Variants in DTNB observed in about 807,000 individuals in gnomAD.
DTNB encodes the protein dystrobrevin beta.
Under a neutral mutation model 90.7 loss-of-function variants are expected in DTNB, and 63 were observed. The observed-to-expected ratio is 0.69, with a 90% CI of 0.57 to 0.86. The LOEUF (loss-of-function observed/expected upper bound fraction) is 0.86, where lower values mean the gene tolerates loss of function less well. Ranked by LOEUF, DTNB falls within the 40% of genes least tolerant of loss-of-function variation. DTNB has a pLI of 0.00. For synonymous variants in DTNB, 277 were observed against 286.7 expected (o/e 0.97, Z 0.34); for missense variants, 744 against 807.1 (o/e 0.92, Z 0.95).
intron 5 of DTNB, among the ~76,000 whole-genome samples, chr2:25,606,693 T>C (rs1027986528): frequency 1.3e-5 from 2 of 152,100 alleles, no homozygotes; most frequent in Admixed American, 6.6e-5. Context: ...TAGTATCTAA[T>C]GAATGGTAAA....
intron 1 of DTNB, among the ~76,000 whole-genome samples, chr2:25,664,534 C>T (rs1286847908): frequency 6.6e-6 from 1 of 152,058 alleles, no homozygotes; most frequent in African/African-American, 2.4e-5. Context: ...CCTAGCTTAC[C>T]GTACGTGACA....
intron 4 of DTNB, among the ~76,000 whole-genome samples, chr2:25,626,589 C>T (rs181581850): frequency 5.9e-5 from 9 of 152,132 alleles, no homozygotes; most frequent in African/African-American, 2.2e-4. Flanking sequence ...CAGCAAGACC[C>T]CATCTCAAAA....
chr2:25,640,842 T>C (rs2078133772), intron 2 of DTNB, among the ~76,000 whole-genome samples: 1 of 151,612 alleles, frequency 6.6e-6, no homozygotes, highest in African/African-American at 2.4e-5. Context: ...CCGTCTCTAC[T>C]AAAAATACAA....
chr2:25,613,791 C>T (rs1279890438), intron 4 of DTNB, among the ~76,000 whole-genome samples: 1 of 152,140 alleles, frequency 6.6e-6, no homozygotes, highest in Admixed American at 6.5e-5. Flanking sequence ...AACCTTGTCT[C>T]TACTAAAAAT....
At chr2:25,471,654 G>C (rs1307093307) in intron 10 of DTNB, among the ~76,000 whole-genome samples, 2 of 151,998 alleles carry the variant, frequency 1.3e-5, no homozygotes, top group Admixed American at 1.3e-4. Flanking sequence ...CACCTGCCTC[G>C]ACCTCCCAAA....
At chr2:25,474,961 G>A (rs1027357877) in intron 10 of DTNB, among the ~76,000 whole-genome samples, 2 of 152,138 alleles carry the variant, frequency 1.3e-5, no homozygotes, top group African/African-American at 2.4e-5. Context: ...ATCAATATGT[G>A]TTCTGACCGT....
At position 25,594,142 on chromosome 2, in the gene DTNB, C is replaced by T. The variant is rs781420230; in HGVS notation, c.603+1944G>A. 9.2e-5 allele frequency among the ~76,000 whole-genome samples: 14 copies of T among 152,266 alleles called. No individual in the cohort carries two copies. The South Asian group carries it at 1.2e-3, about 14-fold the overall frequency. On this transcript the variant is annotated intron_variant, in intron 6 of 20. Transcript: ENST00000406818. ...TCTTCACTTACGTCCCTGAAGGGCA[C>T]GTTAACACCTGAAGGACACTCTTGT...
At chr2:25,662,566 C>G (rs2083397660) in intron 1 of DTNB, among the ~76,000 whole-genome samples, 1 of 151,928 alleles carries the variant, frequency 6.6e-6, no homozygotes, top group Admixed American at 6.6e-5. Flanking sequence ...AAGCCCATGG[C>G]TGAGGGGCTC....
chr2:25,634,944 A>C (rs992151595), intron 3 of DTNB, among the ~76,000 whole-genome samples: 9 of 127,974 alleles, frequency 7.0e-5, no homozygotes, highest in South Asian at 2.6e-4. Context: ...TCCTCTGCCT[A>C]GGAAAACCAG....
intron 8 of DTNB, among the ~76,000 whole-genome samples, chr2:25,533,821 T>C (rs2078753114): frequency 6.6e-6 from 1 of 152,230 alleles, no homozygotes; most frequent in Admixed American, 6.5e-5. Flanking sequence ...CTGTGAAGAC[T>C]TTCCTCACTG....
At position 25,662,677 on chromosome 2, in the gene DTNB, C is replaced by A. The variant is rs867811529; in HGVS notation, c.-1-10016G>T. On this transcript the variant is annotated intron_variant, in intron 1 of 20. Transcript: ENST00000406818. ...ACACACACACACACACACACACACA[C>A]ACAAACACACACACACACACACACA... 6.5e-3 allele frequency among the ~76,000 whole-genome samples: 350 copies of A among 54,124 alleles called. 5 individuals carry two copies. In the East Asian group the frequency reaches 0.099, roughly 15 times the overall value. 35.5% of individuals were successfully genotyped at this position (54,124 alleles called of 152,430 possible).
chr2:25,476,575 A>T (rs1054649753), intron 10 of DTNB, among the ~76,000 whole-genome samples: 18 of 152,218 alleles, frequency 1.2e-4, no homozygotes, highest in African/African-American at 4.3e-4. Context: ...GAAGAAATTG[A>T]TTCCAACCCT....
At position 25,479,621 on chromosome 2, in the gene DTNB, A is replaced by G. The variant is rs761171306; in HGVS notation, c.1079+3175T>C. Reference sequence around the variant, plus strand: ...CGGGAACATAATTTATGGTTATCTCACATGACAGTCATCATCTCTGCCATT... The same window carrying G: ...CGGGAACATAATTTATGGTTATCTCGCATGACAGTCATCATCTCTGCCATT... On this transcript the variant is annotated intron_variant, in intron 10 of 20. Coordinates refer to ENST00000406818, the MANE Select transcript of DTNB (RefSeq NM_021907.5). 3.3e-5 allele frequency among the ~76,000 whole-genome samples: 5 copies of G among 152,072 alleles called. No homozygotes were observed. The South Asian group carries it at 8.3e-4, about 25-fold the overall frequency.
intron 2 of DTNB, among the ~76,000 whole-genome samples, chr2:25,647,567 T>G (rs1464794217): frequency 6.6e-6 from 1 of 152,140 alleles, no homozygotes; most frequent in Non-Finnish European, 1.5e-5. Context: ...CTAAAACATT[T>G]ACTTTCAAAT....
At chr2:25,531,921 T>C (rs1013398407) in intron 8 of DTNB, among the ~76,000 whole-genome samples, 2 of 152,204 alleles carry the variant, frequency 1.3e-5, no homozygotes, top group Admixed American at 6.5e-5. Flanking sequence ...TTTGCTAAGA[T>C]GTTAACATTA....
chr2:25,566,980 A>G (rs6725591), intron 8 of DTNB, among the ~76,000 whole-genome samples: 11,781 of 152,236 alleles, frequency 0.077, 1,464 homozygotes, highest in African/African-American at 0.26. Flanking sequence ...CAGCTTAAAC[A>G]AGGACACTGA....
chr2:25,413,372 C>G (rs972640289), intron 16 of DTNB, among the ~76,000 whole-genome samples: 1 of 151,372 alleles, frequency 6.6e-6, no homozygotes, highest in Non-Finnish European at 1.5e-5. Context: ...CCCACTAACT[C>G]GTCATTTACA....
At chr2:25,430,396 C>G (rs1228976155) in intron 14 of DTNB, among the ~76,000 whole-genome samples, 1 of 152,094 alleles carries the variant, frequency 6.6e-6, no homozygotes, top group Non-Finnish European at 1.5e-5. Context: ...TTCCTCTGAA[C>G]TCCTGAGCCT....
chr2:25,437,265 CTT>C (rs1420248680), intron 12 of DTNB, among the ~76,000 whole-genome samples: 6 of 144,134 alleles, frequency 4.2e-5, no homozygotes, highest in Non-Finnish European at 1.5e-5. Context: ...TATCTATGTA[CTT>C]TTTTTTTTTT....
Sources: gnomAD v4.1 joint callset for allele counts (sites outside exome capture counted in the v4.1 genomes callset) on GRCh38, gnomAD v4.1.1 for gene constraint, MANE v1.5 for transcripts, NCBI Gene and HGNC (gene_info 2026-07-23, HGNC 2026-07-21) for gene names.